NDEL1: variants seen among roughly 807,000 people sequenced by gnomAD.
NDEL1 encodes nuclear distribution protein nudE-like 1.
NDEL1 carries 9 observed loss-of-function variants against 45.7 expected under a neutral mutation model. That is an observed-to-expected ratio of 0.20 (90% CI 0.12 to 0.34). The LOEUF (loss-of-function observed/expected upper bound fraction) is 0.34. Among genes scored for constraint, NDEL1 ranks in the 10% least tolerant of loss-of-function variants. The pLI is 1.00. For missense variants in NDEL1, 306 were observed against 406.2 expected (o/e 0.75, Z 2.12); for synonymous variants, 133 against 158.6 (o/e 0.84, Z 1.21).
intron 1 of NDEL1, among the ~76,000 whole-genome samples, chr17:8,417,948 T>C (rs906597735): frequency 6.6e-6 from 1 of 152,202 alleles, no homozygotes; most frequent in African/African-American, 2.4e-5. Flanking sequence ...TGAAATGCTT[T>C]GTAAACACAT....
chr17:8,469,984 A>G (rs1023718992), downstream of NDEL1, among the ~76,000 whole-genome samples: 1 of 150,882 alleles, frequency 6.6e-6, no homozygotes, highest in African/African-American at 2.4e-5. Context: ...CTGGGATTAC[A>G]GGTGTGGGCC....
At chr17:8,435,693 G>A (rs1909246227), upstream of NDEL1, among the ~76,000 whole-genome samples, 1 of 152,254 alleles carries the variant, frequency 6.6e-6, no homozygotes, top group South Asian at 2.1e-4. Flanking sequence ...GCCGGTCGCA[G>A]AGTCCAGGAG....
chr17:8,448,547 T>C lies in NDEL1; in HGVS notation c.390-3T>C. On this transcript the variant is annotated splice_polypyrimidine_tract_variant and splice_region_variant and intron_variant, in intron 4 of 8. Coordinates refer to ENST00000334527, the MANE Select transcript of NDEL1 (RefSeq NM_030808.5). ...ATTCATGTACTCTAATTTTTCTTTTTAGGGCAACAATAGTTTCACTGGAAG... is the reference window on the plus strand; with the variant it reads ...ATTCATGTACTCTAATTTTTCTTTTCAGGGCAACAATAGTTTCACTGGAAG... 3 of 1,610,060 alleles carry C rather than the reference T, an allele frequency of 1.9e-6. No homozygotes were observed. Among genetic ancestry groups the C allele is most frequent in the Non-Finnish European group, 2.5e-6 (3 of 1,177,970 alleles).
intron 1 of NDEL1, among the ~76,000 whole-genome samples, chr17:8,420,431 A>T (rs915229021): frequency 6.6e-6 from 1 of 152,248 alleles, no homozygotes; most frequent in African/African-American, 2.4e-5. Context: ...AGAAGAGGAC[A>T]ATTACATCAT....
intron 8 of NDEL1, chr17:8,463,206 A>G (rs1911332449): frequency 1.4e-6 from 1 of 716,622 alleles, no homozygotes; most frequent in African/African-American, 1.8e-5. Context: ...CTATTTTTGT[A>G]AGCCACTCTG....
chr17:8,448,062 T>A (rs1782877432), intron 4 of NDEL1, among the ~76,000 whole-genome samples: 1 of 152,140 alleles, frequency 6.6e-6, no homozygotes, highest in South Asian at 2.1e-4. Flanking sequence ...TCTGAGTGGT[T>A]GCAGAAAGCA....
downstream of NDEL1, among the ~76,000 whole-genome samples, chr17:8,469,852 G>A (rs1187920352): frequency 1.4e-5 from 2 of 141,604 alleles, no homozygotes; most frequent in African/African-American, 5.3e-5. Context: ...CCGCCGCCAT[G>A]CCTGGCTAAT....
At chr17:8,440,623 T>G (rs566209618) in intron 1 of NDEL1, among the ~76,000 whole-genome samples, 1 of 152,318 alleles carries the variant, frequency 6.6e-6, no homozygotes, top group Admixed American at 6.5e-5. Flanking sequence ...TAGAACTAGA[T>G]TCTCAAAAAG....
At chr17:8,423,715 G>T (rs1567719932) in intron 1 of NDEL1, among the ~76,000 whole-genome samples, 1 of 151,910 alleles carries the variant, frequency 6.6e-6, no homozygotes, top group Non-Finnish European at 1.5e-5. Flanking sequence ...CAAAAAAGGA[G>T]GGAATTGTAC....
rs1198139274 is a variant in NDEL1 at position 8,436,056 on chromosome 17, A to G, written c.-13+11A>G. On this transcript the variant is annotated intron_variant, in intron 1 of 8. Transcript: ENST00000334527. Reference sequence around the variant, plus strand: ...TTTGACACATTGGAGGTGAGCCTGCAGCGCGGGGCCGCTCCCTAAGGGGCT... The same window carrying G: ...TTTGACACATTGGAGGTGAGCCTGCGGCGCGGGGCCGCTCCCTAAGGGGCT... 7 of 430,756 alleles carry G rather than the reference A, an allele frequency of 1.6e-5. No homozygotes were observed. The highest frequency in any genetic ancestry group is 8.6e-5 in the African/African-American group (4 of 46,342). The allele number at this position is 430,756 out of a possible 1,614,324, so 26.7% of individuals were successfully genotyped here. A position where few individuals can be genotyped will look rare whatever the true frequency, so the allele number is the denominator to read the frequency against.
intron 1 of NDEL1, among the ~76,000 whole-genome samples, chr17:8,440,529 A>AT (rs1567728355): frequency 3.3e-5 from 5 of 150,154 alleles, no homozygotes; most frequent in Non-Finnish European, 1.5e-5. Context: ...AAAAAAAAAA[A>AT]AAAGAATGTG....
rs1299941059 is a variant in NDEL1 at position 8,428,345 on chromosome 17, T to G, written c.-13+15076T>G. Among the ~76,000 whole-genome samples, 4 of 135,878 alleles carry G rather than the reference T, an allele frequency of 2.9e-5. No homozygotes were observed. The South Asian group carries it at 7.2e-4, about 24-fold the overall frequency. The allele number at this position is 135,878 out of a possible 152,430, so 89.1% of individuals were successfully genotyped here. A position where few individuals can be genotyped will look rare whatever the true frequency, so the allele number is the denominator to read the frequency against. ...TGTGGTGTGTGTGTGTGTGTGTGTG[T>G]GTGTGTGTGTGTGTGTATTTTTTTT... On this transcript the variant is annotated intron_variant, in intron 1 of 4. Coordinates refer to the NDEL1 transcript ENST00000582812.
At position 8,467,122 on chromosome 17, in the gene NDEL1, T is replaced by C. The variant is rs771286284; in HGVS notation, c.*99T>C. 1 of 1,209,372 alleles carries C rather than the reference T, an allele frequency of 8.3e-7. No individual in the cohort carries two copies. Among genetic ancestry groups the C allele is most frequent in the Non-Finnish European group, 1.2e-6 (1 of 837,836 alleles). The allele number at this position is 1,209,372 out of a possible 1,614,324, so 74.9% of individuals were successfully genotyped here. A position where few individuals can be genotyped will look rare whatever the true frequency, so the allele number is the denominator to read the frequency against. ...CTGGGCCCAGCCCCGTGCCCCTCCG[T>C]CTGCCTCCGCACGGCTGGCAGAGGG... is the stretch of plus-strand genomic sequence containing the variant. On this transcript the variant is annotated 3_prime_UTR_variant, in exon 9 of 9. Coordinates refer to ENST00000334527, the MANE Select transcript of NDEL1 (RefSeq NM_030808.5). This position sits in a 1 kb window ranked among gnomAD's most constrained non-coding sequence, Gnocchi z 6.3.
chr17:8,428,908 T>A (rs174899), intron 1 of NDEL1, among the ~76,000 whole-genome samples: 1 of 150,342 alleles, frequency 6.7e-6, no homozygotes, highest in Admixed American at 6.6e-5. Context: ...CTCCTGACCT[T>A]GTGATCTGCC....
Position 8,460,131 on chromosome 17 carries a change from A to G in NDEL1, c.915A>G (p.Arg305=), listed in dbSNP as rs1200357453. The G allele has an allele frequency of 3.7e-6, 6 of 1,613,992 alleles. No individual in the cohort carries two copies. The highest frequency in any genetic ancestry group is 1.3e-5 in the African/African-American group (1 of 74,914). ...ATGGCAATGGCACAAAGTTCTCTCG[A>G]TCAGGGCATACATCTTTCTTCGACA... The part of the protein sequence containing the change: ...VLNGNGTKFS[R]SGHTSFFDKG... Residue 305 remains arginine (R), a synonymous_variant, in exon 8 of 9, where the codon CGA becomes CGG. Coordinates refer to ENST00000334527, the MANE Select transcript of NDEL1 (RefSeq NM_030808.5).
chr17:8,457,696 C>A (rs1910929367), intron 7 of NDEL1, among the ~76,000 whole-genome samples: 1 of 152,098 alleles, frequency 6.6e-6, no homozygotes, highest in Admixed American at 6.5e-5. Context: ...CCTATTATTA[C>A]CTCTATTTGT....
In NDEL1 at chr17:8,446,332, A is replaced by G. The variant is rs377175158; in HGVS notation, c.241-422A>G. 9.9e-5 allele frequency among the ~76,000 whole-genome samples: 15 copies of G among 152,160 alleles called. No individual in the cohort carries two copies. The East Asian group carries it at 1.3e-3, about 14-fold the overall frequency. ...TTCACCCCTTTCTCTGCCCTTTACC[A>G]TCTACTGTAGCCACATGCTTGAGGG... is the stretch of plus-strand genomic sequence containing the variant. On this transcript the variant is annotated intron_variant, in intron 3 of 8. Coordinates refer to ENST00000334527, the MANE Select transcript of NDEL1 (RefSeq NM_030808.5).
At chr17:8,466,758 C>T in intron 8 of NDEL1, 172 bp from the exon 9 acceptor site, 1 of 632,808 alleles carries the variant, frequency 1.6e-6, no homozygotes, top group South Asian at 2.0e-5. Flanking sequence ...AGGCTCAATT[C>T]TCTAACCAGC....
chr17:8,439,392 C>T (rs1170962432), intron 1 of NDEL1, among the ~76,000 whole-genome samples: 1 of 146,282 alleles, frequency 6.8e-6, no homozygotes, highest in African/African-American at 2.5e-5. Context: ...AGGTGCCGGC[C>T]ACCATACCCA....
Sources: gnomAD v4.1 joint callset for allele counts (sites outside exome capture counted in the v4.1 genomes callset) on GRCh38, gnomAD v4.1.1 for gene constraint, Gnocchi (gnomAD v3.1) non-coding constraint, MANE v1.5 for transcripts, NCBI Gene and HGNC (gene_info 2026-07-23, HGNC 2026-07-21) for gene names.